NCKAP5: variants seen among roughly 807,000 people sequenced by gnomAD.
The protein encoded by NCKAP5 is nck-associated protein 5.
Under a neutral mutation model 167.0 loss-of-function variants are expected in NCKAP5, and 92 were observed. That is an observed-to-expected ratio of 0.55 (90% CI 0.47 to 0.66). NCKAP5 has a LOEUF of 0.66. Ranked by LOEUF, NCKAP5 falls within the 30% of genes least tolerant of loss-of-function variation. The probability of loss-of-function intolerance (pLI) is 0.00; values close to 1 mark genes in which losing one functional copy is unlikely to be tolerated. For synonymous variants in NCKAP5, 891 were observed against 877.4 expected (o/e 1.02, Z -0.27); for missense variants, 2,378 against 2,315.0 (o/e 1.03, Z -0.56).
chr2:133,070,202 T>C (rs1225091413), intron 6 of NCKAP5, among the ~76,000 whole-genome samples: 1 of 152,212 alleles, frequency 6.6e-6, no homozygotes, highest in East Asian at 1.9e-4. Flanking sequence ...GTCTCCTTAC[T>C]TAATGAAAAA....
intron 8 of NCKAP5, among the ~76,000 whole-genome samples, chr2:132,944,558 C>A (rs1055945998): frequency 6.6e-6 from 1 of 152,134 alleles, no homozygotes. Context: ...AGCGCAGTAG[C>A]CTGGATTAGA....
At chr2:132,685,739 G>T (rs1163448196) in intron 19 of NCKAP5, among the ~76,000 whole-genome samples, 1 of 152,126 alleles carries the variant, frequency 6.6e-6, no homozygotes, top group African/African-American at 2.4e-5. Context: ...TGGAAGCAAG[G>T]TTTCGCAGAG....
chr2:132,944,623 T>G (rs187980282), intron 8 of NCKAP5, among the ~76,000 whole-genome samples: 1 of 152,152 alleles, frequency 6.6e-6, no homozygotes. Flanking sequence ...ATGGGCTACT[T>G]TGGGAAGTAG....
At chr2:133,443,793 C>T (rs1475345471) in intron 3 of NCKAP5, among the ~76,000 whole-genome samples, 2 of 152,150 alleles carry the variant, frequency 1.3e-5, no homozygotes, top group East Asian at 3.9e-4. Context: ...GTAGAGGGAC[C>T]TCTTGAGTCT....
the NCKAP5 span, among the ~76,000 whole-genome samples, chr2:133,661,215 T>C: frequency 7.9e-5 from 12 of 151,976 alleles, no homozygotes; most frequent in Non-Finnish European, 1.8e-4. Flanking sequence ...TTTGCCTGAA[T>C]GCATAAGGAC....
intron 16 of NCKAP5, among the ~76,000 whole-genome samples, chr2:132,767,773 C>T (rs1681642681): frequency 6.6e-6 from 1 of 152,224 alleles, no homozygotes; most frequent in South Asian, 2.1e-4. Context: ...TTACTGAGCA[C>T]CTATTGTCCC....
At chr2:133,521,529 T>C (rs1684471817) in intron 2 of NCKAP5, among the ~76,000 whole-genome samples, 1 of 152,228 alleles carries the variant, frequency 6.6e-6, no homozygotes, top group Non-Finnish European at 1.5e-5. Context: ...TATTTTCTCA[T>C]AGTTCTGGAG....
the NCKAP5 span, among the ~76,000 whole-genome samples, chr2:133,588,643 T>C: frequency 6.6e-6 from 1 of 152,112 alleles, no homozygotes; most frequent in Non-Finnish European, 1.5e-5. Context: ...GGAGCACACA[T>C]TTTAGAAGGA....
At chr2:133,264,790 G>A (rs1313681554) in intron 4 of NCKAP5, among the ~76,000 whole-genome samples, 1 of 152,210 alleles carries the variant, frequency 6.6e-6, no homozygotes, top group Non-Finnish European at 1.5e-5. Context: ...GACAGGTGCA[G>A]AAATTTATTA....
chr2:132,788,124 G>T (rs1367097771), intron 13 of NCKAP5, among the ~76,000 whole-genome samples: 3 of 152,144 alleles, frequency 2.0e-5, no homozygotes, highest in African/African-American at 4.8e-5. Context: ...GAAGCTTGGG[G>T]GTAGGAGACA....
At chr2:133,089,747 T>C (rs966198264) in intron 6 of NCKAP5, among the ~76,000 whole-genome samples, 5 of 152,332 alleles carry the variant, frequency 3.3e-5, no homozygotes, top group Non-Finnish European at 5.9e-5. Flanking sequence ...TTTGGGAATC[T>C]TTATTGCATG....
rs1055690657 is a variant in NCKAP5 at position 133,471,919 on chromosome 2, T to C, written c.69+45539A>G. Among the ~76,000 whole-genome samples the C allele has an allele frequency of 4.6e-5, 7 of 152,340 alleles. No homozygotes were observed. The South Asian group carries it at 1.2e-3, about 27-fold the overall frequency. ...CCATATGTTATGCTTTAGTTTGACA[T>C]GGTCATTGATCATAAACTTTTATTT... On this transcript the variant is annotated intron_variant, in intron 3 of 19. Transcript: ENST00000409261.
chr2:133,231,097 G>A (rs2087126135), intron 4 of NCKAP5, among the ~76,000 whole-genome samples: 1 of 152,210 alleles, frequency 6.6e-6, no homozygotes, highest in South Asian at 2.1e-4. Context: ...ACTACACGAA[G>A]GTCTTCGAGA....
At chr2:133,019,924 G>T (rs2078467737) in intron 6 of NCKAP5, among the ~76,000 whole-genome samples, 2 of 152,192 alleles carry the variant, frequency 1.3e-5, no homozygotes. Flanking sequence ...ACTGCTATGG[G>T]AGAGCACTGG....
intron 2 of NCKAP5, among the ~76,000 whole-genome samples, chr2:133,554,849 T>C (rs1393891295): frequency 6.6e-6 from 1 of 152,060 alleles, no homozygotes; most frequent in Non-Finnish European, 1.5e-5. Context: ...GGGGGGAAAC[T>C]GAAGTCACAC....
At chr2:133,596,076 G>A in the NCKAP5 span, 1 of 152,462 alleles carries the variant, frequency 6.6e-6, no homozygotes, top group Admixed American at 6.6e-5. Context: ...TAGCTTGTGG[G>A]CTATACAAAA....
chr2:133,159,790 A>C (rs563332159), intron 5 of NCKAP5, among the ~76,000 whole-genome samples: 3 of 152,320 alleles, frequency 2.0e-5, no homozygotes, highest in Admixed American at 6.5e-5. Context: ...TGACAGGCAC[A>C]AGCAAGTTGG....
At chr2:133,623,910 C>T in the NCKAP5 span, among the ~76,000 whole-genome samples, 4 of 152,046 alleles carry the variant, frequency 2.6e-5, no homozygotes, top group South Asian at 2.1e-4. Flanking sequence ...CATCAATCAA[C>T]GAGTGGATAA....
At chr2:133,165,259 C>A (rs975835170) in intron 5 of NCKAP5, among the ~76,000 whole-genome samples, 3 of 152,202 alleles carry the variant, frequency 2.0e-5, no homozygotes, top group Non-Finnish European at 4.4e-5. Flanking sequence ...GCTGGTGGGA[C>A]TGCACACTGT....
Sources: allele counts gnomAD v4.1 joint callset (sites outside exome capture counted in the v4.1 genomes callset), GRCh38; gene constraint gnomAD v4.1.1; transcripts MANE v1.5; gene names NCBI Gene and HGNC (gene_info 2026-07-23, HGNC 2026-07-21).